PLAA: variants seen among roughly 807,000 people sequenced by gnomAD.
PLAA encodes the protein phospholipase A-2-activating protein.
Under a neutral mutation model 84.1 loss-of-function variants are expected in PLAA, and 48 were observed. That is an observed-to-expected ratio of 0.57 (90% CI 0.45 to 0.73). The LOEUF is 0.73. PLAA is among the 30% of genes least tolerant of loss of function. The pLI is 0.00. For missense variants in PLAA, 903 were observed against 954.7 expected (o/e 0.95, Z 0.71); for synonymous variants, 392 against 336.6 (o/e 1.16, Z -1.80).
At chr9:26,918,745 T>C (rs772003334) in intron 9 of PLAA, among the ~76,000 whole-genome samples, 5 of 152,182 alleles carry the variant, frequency 3.3e-5, no homozygotes, top group Non-Finnish European at 5.9e-5. Flanking sequence ...CTCACGTTAA[T>C]ATTACTAGGA....
At position 26,930,315 on chromosome 9, in the gene PLAA, A is replaced by G. The variant is rs1328389165; in HGVS notation, c.344-1907T>C. ...GAGATGGGGTTTCACCGTGTTAGCT[A>G]GGATGGTCTCGATCTCCTGACCTTA... On this transcript the variant is annotated intron_variant, in intron 2 of 13. Transcript: ENST00000397292. Among the ~76,000 whole-genome samples, 6 of 152,206 alleles carry G rather than the reference A, an allele frequency of 3.9e-5. No individual in the cohort carries two copies. In the East Asian group the frequency reaches 1.2e-3, roughly 30 times the overall value.
intron 9 of PLAA, 114 bp from the exon 10 acceptor site, chr9:26,917,279 C>G: frequency 2.7e-6 from 2 of 753,910 alleles, no homozygotes; most frequent in Non-Finnish European, 4.5e-6. Context: ...AAGAGCAAAA[C>G]TTTCACATGA....
At chr9:26,931,757 T>A (rs981839158) in intron 2 of PLAA, among the ~76,000 whole-genome samples, 2 of 152,144 alleles carry the variant, frequency 1.3e-5, no homozygotes, top group African/African-American at 4.8e-5. Flanking sequence ...TTGAAAGATG[T>A]AGGGCTGGGC....
rs758907272 is a variant in PLAA at position 26,913,931 on chromosome 9, T to C, written c.1503A>G (p.Val501=). 5 of 1,611,768 alleles carry C rather than the reference T, an allele frequency of 3.1e-6. No individual in the cohort carries two copies. Among genetic ancestry groups the C allele is most frequent in the Non-Finnish European group, 4.2e-6 (5 of 1,178,048 alleles). The part of the protein sequence containing the change: ...ADPFTGAGRY[V]PGSASMGTTM... ...TAGTTCCCATACTTGCAGAACCTGGTACATAACGACCAGCACCTACAATAC... is the reference window on the plus strand; with the variant it reads ...TAGTTCCCATACTTGCAGAACCTGGCACATAACGACCAGCACCTACAATAC... The change falls in exon 11 of 14, where the codon GTA becomes GTG. Residue 501 remains valine (V), a synonymous_variant. Coordinates refer to ENST00000397292, the MANE Select transcript of PLAA (RefSeq NM_001031689.3).
At chr9:26,926,703 C>T in intron 4 of PLAA, 143 bp from the exon 5 acceptor site, 1 of 562,836 alleles carries the variant, frequency 1.8e-6, no homozygotes. Flanking sequence ...TTGTTGAAAG[C>T]CTGATAACCA....
At chr9:26,942,484 C>T (rs1328931129) in intron 1 of PLAA, among the ~76,000 whole-genome samples, 1 of 152,162 alleles carries the variant, frequency 6.6e-6, no homozygotes, top group African/African-American at 2.4e-5. Context: ...ACATAGTAAG[C>T]TAAGCAAATG....
At position 26,904,322 on chromosome 9, in the gene PLAA, C is replaced by T. The variant is rs1395538434; in HGVS notation, c.*1189G>A. ...TCTGGCAACGTCTTTATGAAAAGAT[C>T]TTTCCCACTTTTGAAAATAGTTACG... is the stretch of plus-strand genomic sequence containing the variant. On this transcript the variant is annotated 3_prime_UTR_variant, in exon 14 of 14. Coordinates refer to ENST00000397292, the MANE Select transcript of PLAA (RefSeq NM_001031689.3). 6.6e-6 allele frequency: 1 copy of T among 152,118 alleles called. No individual in the cohort carries two copies. The highest frequency in any genetic ancestry group is 1.5e-5 in the Non-Finnish European group (1 of 67,984). 9.4% of individuals were successfully genotyped at this position (152,118 alleles called of 1,614,324 possible). A position where few individuals can be genotyped will look rare whatever the true frequency, so the allele number is the denominator to read the frequency against.
At chr9:26,943,292 G>C (rs970183185) in intron 1 of PLAA, among the ~76,000 whole-genome samples, 5 of 152,112 alleles carry the variant, frequency 3.3e-5, no homozygotes, top group Admixed American at 6.5e-5. Context: ...GGTTTTCAAA[G>C]GGCTTTTGTG....
rs1472029944 is a variant in PLAA at position 26,907,775 on chromosome 9, T to C, written c.1822+59A>G. 4.3e-6 allele frequency: 6 copies of C among 1,381,400 alleles called. 1 individual carries two copies. The highest frequency in any genetic ancestry group is 2.3e-5 in the East Asian group (1 of 42,942). 85.6% of individuals were successfully genotyped at this position (1,381,400 alleles called of 1,614,324 possible). On this transcript the variant is annotated intron_variant, in intron 13 of 13. Coordinates refer to ENST00000397292, the MANE Select transcript of PLAA (RefSeq NM_001031689.3). ...AATCCACAAATACCAGTAATATTGATAGAAATGAAGATAAAACTTCTTGCT... is the reference window on the plus strand; with the variant it reads ...AATCCACAAATACCAGTAATATTGACAGAAATGAAGATAAAACTTCTTGCT...
chr9:26,907,269 G>A (rs761812729), intron 13 of PLAA, among the ~76,000 whole-genome samples: 5 of 152,058 alleles, frequency 3.3e-5, no homozygotes, highest in East Asian at 1.9e-4. Context: ...GCCCGGGCGC[G>A]GTGGCTCACG....
rs751967031 is a variant in PLAA at position 26,923,387 on chromosome 9, T to A, written c.870-40A>T. The A allele has an allele frequency of 2.1e-6, 3 of 1,399,592 alleles. No individual in the cohort carries two copies. In the African/African-American group the frequency reaches 4.3e-5, roughly 20 times the overall value. The allele number at this position is 1,399,592 out of a possible 1,614,324, so 86.7% of individuals were successfully genotyped here. On this transcript the variant is annotated intron_variant, in intron 6 of 13. Transcript: ENST00000397292. The stretch of plus-strand genomic sequence containing the variant: ...AAACTGATTTTAGAAGTCATTGCCA[T>A]AATACATTAACATTATCACACCTGA...
intron 2 of PLAA, among the ~76,000 whole-genome samples, chr9:26,934,056 G>A (rs1045070889): frequency 8.5e-5 from 13 of 152,074 alleles, no homozygotes; most frequent in Non-Finnish European, 1.6e-4. Flanking sequence ...CAATCCTCCC[G>A]TCTTAGCCTC....
intron 2 of PLAA, among the ~76,000 whole-genome samples, chr9:26,929,860 G>A (rs1825113725): frequency 6.6e-6 from 1 of 152,134 alleles, no homozygotes; most frequent in African/African-American, 2.4e-5. Context: ...AATCGTTGAT[G>A]ACCAGAAAGC....
chr9:26,942,942 G>C lies in PLAA; in HGVS notation c.149+3955C>G, dbSNP rs187005286. On this transcript the variant is annotated intron_variant, in intron 1 of 13. Coordinates refer to ENST00000397292, the MANE Select transcript of PLAA (RefSeq NM_001031689.3). ...TACGTGATGGGGTGAGTGGAAGGCA[G>C]AAAGAGAGCTAAATTCTCATATTCT... Among the ~76,000 whole-genome samples, 392 of 147,566 alleles carry C rather than the reference G, an allele frequency of 2.7e-3. 6 individuals are homozygous for C. The highest frequency in any genetic ancestry group is 0.023 in the Admixed American group (343 of 14,636).
chr9:26,913,888 G>A lies in PLAA; in HGVS notation c.1546C>T (p.Pro516Ser). The A allele has an allele frequency of 1.2e-6, 2 of 1,608,396 alleles. 1 individual carries two copies. The highest frequency in any genetic ancestry group is 2.2e-5 in the South Asian group (2 of 90,728). The change falls in exon 11 of 14, where the codon CCA (proline) becomes TCA (serine). Residue 516 changes from proline (P) to serine (S), a missense_variant. Pro to Ser is a moderately conservative substitution (Grantham distance 74, BLOSUM62 -1). Transcript: ENST00000397292. ...AATAAAAAGTATGTACCTGTAAATG[G>A]ATCAACTCCGGCCATGGTAGTTCCC... The part of the protein sequence containing the change: ...SMGTTMAGVD[P>S]FTGNSAYRSA...
intron 4 of PLAA, among the ~76,000 whole-genome samples, chr9:26,927,579 G>A (rs1825017198): frequency 6.6e-6 from 1 of 152,132 alleles, no homozygotes; most frequent in Admixed American, 6.5e-5. Flanking sequence ...ATTACTATTA[G>A]ATAGCAGATG....
At position 26,910,367 on chromosome 9, in the gene PLAA, A is replaced by G. The variant is rs1245206040; in HGVS notation, c.1628T>C (p.Phe543Ser). The change falls in exon 12 of 14, where the codon TTT (phenylalanine) becomes TCT (serine). Residue 543 changes from phenylalanine to serine, a missense_variant. Coordinates refer to ENST00000397292, the MANE Select transcript of PLAA (RefSeq NM_001031689.3). ...TATTTGTGTAGGGTTTGCTTGGTCA[A>G]ATGTGACAGCCTCTTTTTTAGGGAA... ...IYFPKKEAVT[F>S]DQANPTQILG... 6.2e-7 allele frequency: 1 copy of G among 1,613,238 alleles called. No homozygotes were observed. The highest frequency in any genetic ancestry group is 1.7e-5 in the Admixed American group (1 of 60,016).
chr9:26,937,163 T>C (rs922541150), intron 1 of PLAA, among the ~76,000 whole-genome samples: 2 of 151,674 alleles, frequency 1.3e-5, no homozygotes, highest in Non-Finnish European at 2.9e-5. Flanking sequence ...AAAAAAAGGC[T>C]GATGTCCATT....
intron 9 of PLAA, among the ~76,000 whole-genome samples, chr9:26,917,420 C>T (rs1257111471): frequency 6.6e-6 from 1 of 152,198 alleles, no homozygotes; most frequent in Non-Finnish European, 1.5e-5. Context: ...AATATTAAAA[C>T]TTAATTCAAA....
Sources: allele counts gnomAD v4.1 joint callset (sites outside exome capture counted in the v4.1 genomes callset), GRCh38; gene constraint gnomAD v4.1.1; transcripts MANE v1.5; gene names NCBI Gene and HGNC (gene_info 2026-07-23, HGNC 2026-07-21).